The following CWF19L2 variants were observed in gnomAD, a reference collection of about 807,000 sequenced individuals.
The protein encoded by CWF19L2 is CWF19 like cell cycle control factor 2.
CWF19L2 carries 98 observed loss-of-function variants against 111.7 expected under a neutral mutation model. The observed-to-expected ratio is 0.88, with a 90% CI of 0.75 to 1.04. CWF19L2 has a LOEUF of 1.04. Among genes scored for constraint, CWF19L2 ranks in the 50% least tolerant of loss-of-function variants. The pLI, the probability that CWF19L2 is intolerant of heterozygous loss-of-function variation, is 0.00. For missense variants in CWF19L2, 1,101 were observed against 1,051.4 expected, an observed-to-expected ratio of 1.05 and a Z score of -0.65; for synonymous variants, 351 against 342.9, an observed-to-expected ratio of 1.02 and a Z score of -0.26.
At chr11:107,344,574 G>A (rs1014570294) in intron 14 of CWF19L2, among the ~76,000 whole-genome samples, 1 of 152,186 alleles carries the variant, frequency 6.6e-6, no homozygotes, top group African/African-American at 2.4e-5. Context: ...GGTTTCTAGT[G>A]AGAAATGCGC....
At chr11:107,415,640 A>G (rs1261702183) in intron 10 of CWF19L2, among the ~76,000 whole-genome samples, 1 of 152,254 alleles carries the variant, frequency 6.6e-6, no homozygotes, top group Non-Finnish European at 1.5e-5. Flanking sequence ...TAAGCAGCAC[A>G]GTCCAGAATA....
chr11:107,361,174 C>A (rs919838423), intron 12 of CWF19L2, among the ~76,000 whole-genome samples: 2 of 152,182 alleles, frequency 1.3e-5, no homozygotes, highest in African/African-American at 4.8e-5. Flanking sequence ...CTGCATAGGG[C>A]AAACCAATTT....
chr11:107,360,244 A>C (rs1269983694), intron 12 of CWF19L2, among the ~76,000 whole-genome samples: 4 of 152,234 alleles, frequency 2.6e-5, no homozygotes, highest in Non-Finnish European at 5.9e-5. Context: ...GTTTCACTTA[A>C]GATAATGACT....
intron 12 of CWF19L2, among the ~76,000 whole-genome samples, chr11:107,361,684 C>T (rs916155701): frequency 6.6e-6 from 1 of 152,160 alleles, no homozygotes; most frequent in Non-Finnish European, 1.5e-5. Context: ...CTGTAGAGAT[C>T]TTTCACCTCC....
intron 4 of CWF19L2, among the ~76,000 whole-genome samples, chr11:107,442,173 G>A (rs1275423984): frequency 6.6e-6 from 1 of 152,100 alleles, no homozygotes; most frequent in Non-Finnish European, 1.5e-5. Context: ...ACAATCAAAA[G>A]CATGAAAGCC....
Position 107,364,967 on chromosome 11 carries a change from C to T in CWF19L2, c.1873-11231G>A, listed in dbSNP as rs867889494. Among the ~76,000 whole-genome samples, 462 of 106,532 alleles carry T rather than the reference C, an allele frequency of 4.3e-3. 1 individual carries two copies. The highest frequency in any genetic ancestry group is 0.018 in the African/African-American group (424 of 23,554). The allele number at this position is 106,532 out of a possible 152,430, so 69.9% of individuals were successfully genotyped here. On this transcript the variant is annotated intron_variant, in intron 12 of 17. Transcript: ENST00000282251. ...AAAAAAGAGAGAAGAATCAAATAGA[C>T]GCAATAAAAAATGATAAAGGGGATA... is the stretch of plus-strand genomic sequence containing the variant.
intron 7 of CWF19L2, among the ~76,000 whole-genome samples, chr11:107,429,747 T>G (rs1294423120): frequency 1.4e-5 from 2 of 143,984 alleles, no homozygotes; most frequent in Non-Finnish European, 3.0e-5. Context: ...TTGCAAAAAA[T>G]ACTTAATTCC....
rs763475609 is a variant in CWF19L2 at position 107,428,834 on chromosome 11, T to C, written c.1398A>G (p.Lys466=). 2 of 1,611,408 alleles carry C rather than the reference T, an allele frequency of 1.2e-6. No homozygotes were observed. Among genetic ancestry groups the C allele is most frequent in the East Asian group, 2.2e-5 (1 of 44,866 alleles). ...TAGACTTTGTATCCCGTAGATGTTCTTTTTTTGGAGGGTCATCTCTCAAGA... is the reference window on the plus strand; with the variant it reads ...TAGACTTTGTATCCCGTAGATGTTCCTTTTTTGGAGGGTCATCTCTCAAGA... ...DEVLRDDPPK[K]EHLRDTKSTF... The change falls in exon 8 of 18, where the codon AAA becomes AAG. Residue 466 remains lysine, a synonymous_variant. Transcript: ENST00000282251.
At chr11:107,414,358 A>G (rs942900748) in intron 10 of CWF19L2, among the ~76,000 whole-genome samples, 1 of 152,160 alleles carries the variant, frequency 6.6e-6, no homozygotes, top group African/African-American at 2.4e-5. Flanking sequence ...ACACCCAGCT[A>G]GAGTTATTCA....
intron 14 of CWF19L2, among the ~76,000 whole-genome samples, chr11:107,348,379 C>G (rs1860111242): frequency 6.6e-6 from 1 of 152,078 alleles, no homozygotes; most frequent in Non-Finnish European, 1.5e-5. Context: ...CCATGTTGTG[C>G]CTTTCACTCT....
At chr11:107,343,756 T>C (rs1188188031) in intron 14 of CWF19L2, among the ~76,000 whole-genome samples, 2 of 152,182 alleles carry the variant, frequency 1.3e-5, no homozygotes, top group East Asian at 3.9e-4. Flanking sequence ...ATTCTAAGAG[T>C]TGCTTTAAGG....
At chr11:107,405,839 CAA>C (rs1555023830) in intron 10 of CWF19L2, among the ~76,000 whole-genome samples, 1 of 81,256 alleles carries the variant, frequency 1.2e-5, no homozygotes, top group African/African-American at 3.6e-5. Flanking sequence ...TGAAGCAAGC[CAA>C]AAAAAAAAAA....
chr11:107,341,280 T>TC (rs1233448555), intron 14 of CWF19L2, among the ~76,000 whole-genome samples: 2 of 152,214 alleles, frequency 1.3e-5, no homozygotes, highest in Non-Finnish European at 2.9e-5. Context: ...TAGATAAGCT[T>TC]CCTTCCGGCA....
chr11:107,346,497 C>T (rs749557213), intron 14 of CWF19L2, among the ~76,000 whole-genome samples: 4 of 152,138 alleles, frequency 2.6e-5, no homozygotes, highest in Non-Finnish European at 5.9e-5. Context: ...GCAGGGATAG[C>T]AAAGAGGAAA....
intron 12 of CWF19L2, among the ~76,000 whole-genome samples, chr11:107,378,210 G>A (rs929284474): frequency 8.0e-5 from 12 of 149,410 alleles, no homozygotes; most frequent in Middle Eastern, 6.8e-3. Flanking sequence ...TCAGTGTGGC[G>A]ATTCCTCGGG....
chr11:107,423,853 T>C (rs1209309100), intron 8 of CWF19L2, among the ~76,000 whole-genome samples: 2 of 151,786 alleles, frequency 1.3e-5, no homozygotes, highest in South Asian at 2.1e-4. Context: ...TGAGGAGAAA[T>C]GTTTGAGGAT....
At chr11:107,449,795 G>A (rs1861752993) in intron 3 of CWF19L2, among the ~76,000 whole-genome samples, 1 of 151,540 alleles carries the variant, frequency 6.6e-6, no homozygotes, top group Non-Finnish European at 1.5e-5. Context: ...AAGGAAAAAA[G>A]AACAAAGAAA....
Position 107,349,988 on chromosome 11 carries a change from G to A in CWF19L2, c.2086-935C>T, listed in dbSNP as rs146773354. Among the ~76,000 whole-genome samples the A allele has an allele frequency of 5.9e-5, 9 of 152,184 alleles. No individual in the cohort carries two copies. In the East Asian group the frequency reaches 9.7e-4, roughly 16 times the overall value. The stretch of plus-strand genomic sequence containing the variant: ...CTGAGATAAAGAGCCAGGTCCAAGT[G>A]TCAATGACAGGTCAAATAAGTTGTA... On this transcript the variant is annotated intron_variant, in intron 13 of 17. Coordinates refer to ENST00000282251, the MANE Select transcript of CWF19L2 (RefSeq NM_152434.3).
At chr11:107,392,545 C>T (rs1162882143) in intron 11 of CWF19L2, among the ~76,000 whole-genome samples, 2 of 152,102 alleles carry the variant, frequency 1.3e-5, no homozygotes, top group African/African-American at 4.8e-5. Flanking sequence ...ATTAAAATTG[C>T]CTTAAACATT....
Sources: allele counts gnomAD v4.1 joint callset (sites outside exome capture counted in the v4.1 genomes callset), GRCh38; gene constraint gnomAD v4.1.1; transcripts MANE v1.5; gene names NCBI Gene and HGNC (gene_info 2026-07-23, HGNC 2026-07-21).